The following SLCO3A1 variants were observed in gnomAD, a reference collection of about 807,000 sequenced individuals.
SLCO3A1 encodes the protein solute carrier organic anion transporter family member 3A1, also known as PGE1 transporter.
A neutral mutation model predicts 63.1 loss-of-function variants in SLCO3A1; 27 were observed. That is an observed-to-expected ratio of 0.43 (90% CI 0.32 to 0.59). SLCO3A1 has a LOEUF of 0.59. Among genes scored for constraint, SLCO3A1 ranks in the 20% least tolerant of loss-of-function variants. The pLI is 0.09. For missense variants in SLCO3A1, 773 were observed against 945.8 expected (o/e 0.82, Z 2.40); for synonymous variants, 473 against 409.9 (o/e 1.15, Z -1.86).
chr15:91,998,344 C>T (rs2046215684), intron 2 of SLCO3A1, among the ~76,000 whole-genome samples: 3 of 152,046 alleles, frequency 2.0e-5, no homozygotes, highest in Non-Finnish European at 1.5e-5. Context: ...ATCCCAGCTA[C>T]TCAGGAGGCT....
rs556009239 is a variant in SLCO3A1 at position 91,863,483 on chromosome 15, G to A, written c.180+9395G>A. On this transcript the variant is annotated intron_variant, in intron 1 of 9. Coordinates refer to ENST00000318445, the MANE Select transcript of SLCO3A1 (RefSeq NM_013272.4). This position sits in a 1 kb window ranked among gnomAD's most constrained non-coding sequence, Gnocchi z 4.3. ...TCCTTTGGCCGTTTCATTTCTCAGA[G>A]TGCTGCTGTGATAGCACTTGGAATT... 4.3e-4 allele frequency among the ~76,000 whole-genome samples: 66 copies of A among 152,332 alleles called. No homozygotes were observed. Among genetic ancestry groups the A allele is most frequent in the African/African-American group, 1.4e-3 (57 of 41,562 alleles).
intron 1 of SLCO3A1, among the ~76,000 whole-genome samples, chr15:91,905,680 A>G (rs1171416219): frequency 6.6e-6 from 1 of 151,826 alleles, no homozygotes; most frequent in East Asian, 1.9e-4. Flanking sequence ...GAAATGCTAC[A>G]TAATATATAT....
chr15:92,127,076 G>A (rs2047933193), intron 6 of SLCO3A1, among the ~76,000 whole-genome samples: 1 of 152,228 alleles, frequency 6.6e-6, no homozygotes, highest in African/African-American at 2.4e-5. Context: ...CAGGCAGAGT[G>A]GGAGAGCAGA....
At chr15:92,161,703 C>T (rs772549264) in intron 9 of SLCO3A1, 1 of 152,264 alleles carries the variant, frequency 6.6e-6, no homozygotes, top group Non-Finnish European at 1.5e-5. Flanking sequence ...CCCTAAAAGC[C>T]TCAAACAGAA....
chr15:91,899,809 A>G (rs1898106882), intron 1 of SLCO3A1, among the ~76,000 whole-genome samples: 1 of 152,124 alleles, frequency 6.6e-6, no homozygotes, highest in East Asian at 1.9e-4. Context: ...TTCTTTCTCC[A>G]TAGCTTTCCA....
intron 2 of SLCO3A1, among the ~76,000 whole-genome samples, chr15:92,081,396 G>C (rs957390933): frequency 1.3e-5 from 2 of 151,660 alleles, no homozygotes; most frequent in African/African-American, 2.4e-5. Context: ...TATTGCCCAG[G>C]CTGGAGCGCA....
intron 7 of SLCO3A1, among the ~76,000 whole-genome samples, chr15:92,132,354 T>G (rs8028432): frequency 0.39 from 55,607 of 142,308 alleles, 15,065 homozygotes; most frequent in African/African-American, 0.44. Flanking sequence ...TTTTATTTTC[T>G]TATATCTCCT....
chr15:91,859,497 C>A lies in SLCO3A1; in HGVS notation c.180+5409C>A, dbSNP rs1425961302. 6.6e-6 allele frequency among the ~76,000 whole-genome samples: 1 copy of A among 152,156 alleles called. No homozygotes were observed. The highest frequency in any genetic ancestry group is 6.5e-5 in the Admixed American group (1 of 15,286). On this transcript the variant is annotated intron_variant, in intron 1 of 9. Coordinates refer to ENST00000318445, the MANE Select transcript of SLCO3A1 (RefSeq NM_013272.4). The surrounding 1 kb of genome is among the most constrained non-coding windows in gnomAD (Gnocchi z 5.1). Reference sequence around the variant, plus strand: ...AAATTATTGCTTAATGGTTAAAACTCCAAGTTAAATGATTACAGTTCCAAG... The same window carrying A: ...AAATTATTGCTTAATGGTTAAAACTACAAGTTAAATGATTACAGTTCCAAG...
intron 2 of SLCO3A1, among the ~76,000 whole-genome samples, chr15:92,006,563 T>C (rs1395794060): frequency 1.3e-5 from 2 of 152,354 alleles, no homozygotes; most frequent in Non-Finnish European, 1.5e-5. Context: ...TATGTCTGCC[T>C]GATCCAGCCC....
In SLCO3A1 at chr15:92,163,812, C is replaced by T. The variant is rs1411673161; in HGVS notation, c.*677C>T. ...GTGCTGGAGTTTGTAATTGGCACCT[C>T]TCACCAGCTCCATTTCCATGTTCAA... On this transcript the variant is annotated 3_prime_UTR_variant, in exon 10 of 10. Transcript: ENST00000318445. 4.1e-6 allele frequency: 4 copies of T among 985,432 alleles called. No individual in the cohort carries two copies. The highest frequency in any genetic ancestry group is 4.8e-6 in the Non-Finnish European group (4 of 829,988). 61.0% of individuals were successfully genotyped at this position (985,432 alleles called of 1,614,324 possible). A position where few individuals can be genotyped will look rare whatever the true frequency, so the allele number is the denominator to read the frequency against.
At chr15:91,867,909 C>T (rs1316359048) in intron 1 of SLCO3A1, among the ~76,000 whole-genome samples, 1 of 152,206 alleles carries the variant, frequency 6.6e-6, no homozygotes, top group Non-Finnish European at 1.5e-5. Context: ...AGCATTTCTG[C>T]GCTGTTGCTC....
intron 7 of SLCO3A1, among the ~76,000 whole-genome samples, chr15:92,132,989 T>G (rs1283783759): frequency 6.8e-6 from 1 of 146,206 alleles, no homozygotes; most frequent in Non-Finnish European, 1.5e-5. Flanking sequence ...GTTTTTGATT[T>G]GTAACCAGGA....
In SLCO3A1 at chr15:92,163,275, C is replaced by T; in HGVS notation, c.*140C>T. 6.8e-6 allele frequency: 9 copies of T among 1,324,740 alleles called. No individual in the cohort carries two copies. Among genetic ancestry groups the T allele is most frequent in the Non-Finnish European group, 7.7e-6 (8 of 1,042,422 alleles). 82.1% of individuals were successfully genotyped at this position (1,324,740 alleles called of 1,614,324 possible). A position where few individuals can be genotyped will look rare whatever the true frequency, so the allele number is the denominator to read the frequency against. ...TGCACACACACGCAGACAGACACACCGACTTTGTCCTTTTTCTCAGCATCA... is the reference window on the plus strand; with the variant it reads ...TGCACACACACGCAGACAGACACACTGACTTTGTCCTTTTTCTCAGCATCA... On this transcript the variant is annotated 3_prime_UTR_variant, in exon 10 of 10. Transcript: ENST00000318445.
chr15:92,169,500 G>A (rs1352322202), downstream of SLCO3A1, among the ~76,000 whole-genome samples: 1 of 152,226 alleles, frequency 6.6e-6, no homozygotes, highest in East Asian at 1.9e-4. Context: ...GGGGCTGTGT[G>A]TCCTTCTAAC....
chr15:92,001,334 C>T (rs1185436064), intron 2 of SLCO3A1, among the ~76,000 whole-genome samples: 2 of 152,162 alleles, frequency 1.3e-5, no homozygotes, highest in Non-Finnish European at 2.9e-5. Flanking sequence ...CTGGCACCAG[C>T]ACATATTATG....
Position 92,033,704 on chromosome 15 carries a change from G to T in SLCO3A1, c.647-61177G>T, listed in dbSNP as rs1406743180. Among the ~76,000 whole-genome samples the T allele has an allele frequency of 6.6e-6, 1 of 152,204 alleles. No homozygotes were observed. Among genetic ancestry groups the T allele is most frequent in the Non-Finnish European group, 1.5e-5 (1 of 68,044 alleles). ...TAAACAATATAACTAAGAAGAGTAGGTGGTGGCTCGCTGGTGGCAAAAAAG... is the reference window on the plus strand; with the variant it reads ...TAAACAATATAACTAAGAAGAGTAGTTGGTGGCTCGCTGGTGGCAAAAAAG... On this transcript the variant is annotated intron_variant, in intron 2 of 9. Transcript: ENST00000318445. This position sits in a 1 kb window ranked among gnomAD's most constrained non-coding sequence, Gnocchi z 4.5.
chr15:92,064,353 A>G (rs1361120307), intron 2 of SLCO3A1, among the ~76,000 whole-genome samples: 1 of 152,208 alleles, frequency 6.6e-6, no homozygotes, highest in Non-Finnish European at 1.5e-5. Flanking sequence ...CCTTTGTCAG[A>G]TGAACAGTTT....
At chr15:92,138,882 C>A (rs1216246885) in intron 7 of SLCO3A1, among the ~76,000 whole-genome samples, 1 of 96,562 alleles carries the variant, frequency 1.0e-5, no homozygotes, top group Non-Finnish European at 1.9e-5. Flanking sequence ...TGGGCTGAGA[C>A]AATGGGGTTT....
At chr15:92,088,886 G>C (rs1197293121) in intron 2 of SLCO3A1, among the ~76,000 whole-genome samples, 2 of 152,096 alleles carry the variant, frequency 1.3e-5, no homozygotes, top group African/African-American at 4.8e-5. Context: ...CCTCTTGGTC[G>C]CTTAAGGTAA....
Sources: allele counts gnomAD v4.1 joint callset (sites outside exome capture counted in the v4.1 genomes callset), GRCh38; gene constraint gnomAD v4.1.1; non-coding constraint Gnocchi (gnomAD v3.1); transcripts MANE v1.5; gene names NCBI Gene and HGNC (gene_info 2026-07-23, HGNC 2026-07-21).